Variants in ROBO1 observed in about 807,000 individuals in gnomAD.
The protein encoded by ROBO1 is roundabout guidance receptor 1.
ROBO1 carries 149 observed loss-of-function variants against 195.9 expected under a neutral mutation model. The observed-to-expected ratio is 0.76, with a 90% CI of 0.67 to 0.87. The LOEUF is 0.87. ROBO1 is among the 40% of genes least tolerant of loss of function. The pLI is 0.00. For missense variants in ROBO1, 1,933 were observed against 2,068.3 expected (o/e 0.93, Z 1.27); for synonymous variants, 816 against 733.2 (o/e 1.11, Z -1.82).
intron 27 of ROBO1, among the ~76,000 whole-genome samples, chr3:78,616,500 T>C (rs759300161): frequency 3.3e-5 from 5 of 152,138 alleles, no homozygotes; most frequent in African/African-American, 9.7e-5. Context: ...AAATAATATA[T>C]AGAGATGACT....
chr3:79,008,977 G>A (rs1318351988), intron 3 of ROBO1, among the ~76,000 whole-genome samples: 2 of 149,914 alleles, frequency 1.3e-5, no homozygotes, highest in Admixed American at 6.7e-5. Context: ...TCTCGCTGTT[G>A]TCACCTGAGC....
intron 1 of ROBO1, among the ~76,000 whole-genome samples, chr3:79,759,450 A>T (rs1704576535): frequency 6.6e-6 from 1 of 152,190 alleles, no homozygotes; most frequent in Non-Finnish European, 1.5e-5. Flanking sequence ...TCTTCCTTCC[A>T]AGTACTGAAG....
chr3:79,676,027 A>G (rs1033413515), intron 1 of ROBO1, among the ~76,000 whole-genome samples: 6 of 151,954 alleles, frequency 3.9e-5, no homozygotes, highest in African/African-American at 1.4e-4. Flanking sequence ...CTTAATTTGC[A>G]TGCTTTTCTC....
chr3:79,193,419 G>T (rs2081576034), intron 2 of ROBO1, among the ~76,000 whole-genome samples: 1 of 151,490 alleles, frequency 6.6e-6, no homozygotes, highest in Admixed American at 6.6e-5. Context: ...TTAAAGGAGG[G>T]AAAGCTGAGG....
At chr3:78,734,846 A>C (rs181304377) in intron 5 of ROBO1, among the ~76,000 whole-genome samples, 1 of 152,240 alleles carries the variant, frequency 6.6e-6, no homozygotes, top group East Asian at 1.9e-4. Flanking sequence ...TTTGTCTGGC[A>C]ATCTTTGGTC....
chr3:79,168,234 C>T (rs1034901052), intron 2 of ROBO1, among the ~76,000 whole-genome samples: 1 of 152,104 alleles, frequency 6.6e-6, no homozygotes, highest in African/African-American at 2.4e-5. Flanking sequence ...TGAGAGGAAA[C>T]ATTCAGCTTT....
At chr3:78,984,208 T>G (rs906098855) in intron 3 of ROBO1, among the ~76,000 whole-genome samples, 3 of 152,276 alleles carry the variant, frequency 2.0e-5, no homozygotes, top group Admixed American at 1.3e-4. Context: ...ATGATGATGA[T>G]GACAATGACC....
intron 2 of ROBO1, among the ~76,000 whole-genome samples, chr3:79,169,225 T>C (rs1226673791): frequency 6.6e-6 from 1 of 152,186 alleles, no homozygotes; most frequent in Non-Finnish European, 1.5e-5. Context: ...ATAATAGTAG[T>C]ACATATTCAT....
At chr3:79,104,243 C>T (rs2079733308) in intron 3 of ROBO1, among the ~76,000 whole-genome samples, 1 of 151,784 alleles carries the variant, frequency 6.6e-6, no homozygotes, top group African/African-American at 2.4e-5. Flanking sequence ...CGTGTTACTA[C>T]ACAGATTATG....
At position 79,463,374 on chromosome 3, in the gene ROBO1, C is replaced by CA. The variant is rs971458946; in HGVS notation, c.88+126449dup. Among the ~76,000 whole-genome samples the CA allele has an allele frequency of 6.8e-3, 835 of 122,122 alleles. 6 individuals are homozygous for CA. The highest frequency in any genetic ancestry group is 0.012 in the African/African-American group (360 of 30,920). The allele number at this position is 122,122 out of a possible 152,430, so 80.1% of individuals were successfully genotyped here. On this transcript the variant is annotated intron_variant, in intron 2 of 30. Coordinates refer to ENST00000464233, the MANE Select transcript of ROBO1 (RefSeq NM_002941.4). Reference sequence around the variant, plus strand: ...TGGGTGACAGAGCAAGATTACATCTCAAAAAAAAAACATAAAACAAAAAAC... The same window carrying CA: ...TGGGTGACAGAGCAAGATTACATCTCAAAAAAAAAAACATAAAACAAAAAAC...
intron 8 of ROBO1, among the ~76,000 whole-genome samples, chr3:78,695,625 C>CAAAAAAAAAAAA (rs1172592248): frequency 1.8e-5 from 1 of 54,498 alleles, no homozygotes; most frequent in Non-Finnish European, 3.6e-5. Flanking sequence ...ACTCTTGTCT[C>CAAAAAAAAAAAA]AAAAAAAAAA....
intron 2 of ROBO1, among the ~76,000 whole-genome samples, chr3:79,566,167 A>G (rs1440332762): frequency 6.6e-6 from 1 of 152,118 alleles, no homozygotes; most frequent in Non-Finnish European, 1.5e-5. Flanking sequence ...CTAGACCAAA[A>G]AGAAAAGTCT....
At chr3:79,675,418 T>C (rs765884558) in intron 1 of ROBO1, among the ~76,000 whole-genome samples, 40 of 152,002 alleles carry the variant, frequency 2.6e-4, no homozygotes, top group Non-Finnish European at 4.3e-4. Flanking sequence ...ATGATAAAGA[T>C]GTCAGAGAAT....
chr3:78,917,848 A>G (rs763591243), intron 4 of ROBO1, among the ~76,000 whole-genome samples: 1 of 152,212 alleles, frequency 6.6e-6, no homozygotes, highest in Non-Finnish European at 1.5e-5. Flanking sequence ...GAAGGAAATG[A>G]GTGGTTTTTT....
intron 2 of ROBO1, among the ~76,000 whole-genome samples, chr3:79,346,808 A>G (rs962799306): frequency 1.3e-5 from 2 of 151,850 alleles, no homozygotes; most frequent in South Asian, 2.1e-4. Flanking sequence ...AAAATAATAC[A>G]TGGTCTAGGA....
At position 78,635,780 on chromosome 3, in the gene ROBO1, C is replaced by G. The variant is rs550583293; in HGVS notation, c.3366G>C (p.Leu1122=). 9.3e-6 allele frequency: 15 copies of G among 1,613,250 alleles called. No individual in the cohort carries two copies. The Middle Eastern group carries it at 6.6e-4, about 71-fold the overall frequency. ...ACATGCAAGCCTCTTCACCTTTGTTCAGCTTGTTTTGCTCCACGATGTTGT... is the reference window on the plus strand; with the variant it reads ...ACATGCAAGCCTCTTCACCTTTGTTGAGCTTGTTTTGCTCCACGATGTTGT... ...VQYNIVEQNK[L]NKDYRANDTV... The change falls in exon 23 of 31, where the codon CTG becomes CTC. Residue 1122 remains leucine (L), a synonymous_variant. Transcript: ENST00000464233.
At chr3:79,046,602 G>A (rs1428254609) in intron 3 of ROBO1, among the ~76,000 whole-genome samples, 1 of 152,058 alleles carries the variant, frequency 6.6e-6, no homozygotes, top group African/African-American at 2.4e-5. Context: ...ATGTTCAAGG[G>A]CAGGAAGCAT....
At chr3:79,002,940 C>T (rs191338207) in intron 3 of ROBO1, among the ~76,000 whole-genome samples, 13 of 152,166 alleles carry the variant, frequency 8.5e-5, no homozygotes, top group Non-Finnish European at 1.9e-4. Flanking sequence ...GTCCCTGTGC[C>T]CATCCCACAC....
At chr3:78,803,657 GTTC>G (rs1439256504) in intron 4 of ROBO1, among the ~76,000 whole-genome samples, 1 of 152,022 alleles carries the variant, frequency 6.6e-6, no homozygotes, top group East Asian at 1.9e-4. Flanking sequence ...ATGATAACTT[GTTC>G]TTCACTTTTT....
Sources: allele counts gnomAD v4.1 joint callset (sites outside exome capture counted in the v4.1 genomes callset), GRCh38; gene constraint gnomAD v4.1.1; transcripts MANE v1.5; gene names NCBI Gene and HGNC (gene_info 2026-07-23, HGNC 2026-07-21).